The following PODXL variants were observed in gnomAD, a reference collection of about 807,000 sequenced individuals.
PODXL encodes the protein podocalyxin like, also known as podocalyxin.
PODXL carries 20 observed loss-of-function variants against 48.9 expected under a neutral mutation model. That is an observed-to-expected ratio of 0.41 (90% CI 0.29 to 0.59). The LOEUF (loss-of-function observed/expected upper bound fraction) is 0.59. PODXL is among the 20% of genes least tolerant of loss of function. PODXL has a pLI of 0.31. For synonymous variants in PODXL, 295 were observed against 287.4 expected (o/e 1.03, Z -0.27); for missense variants, 606 against 675.1 (o/e 0.90, Z 1.13).
chr7:131,511,855 C>G (rs1797919288), intron 1 of PODXL, among the ~76,000 whole-genome samples: 1 of 152,202 alleles, frequency 6.6e-6, no homozygotes, highest in Non-Finnish European at 1.5e-5. Flanking sequence ...CACGTGGAGG[C>G]TGTCATGCAT....
chr7:131,522,142 G>A (rs550709123), intron 1 of PODXL, among the ~76,000 whole-genome samples: 1 of 152,180 alleles, frequency 6.6e-6, no homozygotes, highest in Non-Finnish European at 1.5e-5. Flanking sequence ...AGGCCAGCAA[G>A]TGTGAAGTAA....
intron 1 of PODXL, among the ~76,000 whole-genome samples, chr7:131,513,463 C>A (rs1167070459): frequency 6.6e-6 from 1 of 152,210 alleles, no homozygotes; most frequent in East Asian, 1.9e-4. Context: ...AGCACCCATA[C>A]CATTTCTCTA....
rs1425606320 is a variant in PODXL, at chr7:131,549,086, C to T, written c.100+7174G>A. On this transcript the variant is annotated intron_variant, in intron 1 of 8. Transcript: ENST00000378555. ...GGGAAGAGACAGACAAACAAACAAACCAATGAACACATATCAGGTGACGAG... is the reference window on the plus strand; with the variant it reads ...GGGAAGAGACAGACAAACAAACAAATCAATGAACACATATCAGGTGACGAG... Among the ~76,000 whole-genome samples, 6 of 152,252 alleles carry T rather than the reference C, an allele frequency of 3.9e-5. No individual in the cohort carries two copies. The East Asian group carries it at 1.2e-3, about 29-fold the overall frequency.
rs1227828110 is a variant in PODXL, at chr7:131,500,963, T to C, written c.*3348A>G. ...GTGAGCTTCAGATTATCTTTTTCTC[T>C]AGAAAAAGATTGGACTAGATCTTGA... is the stretch of plus-strand genomic sequence containing the variant. On this transcript the variant is annotated 3_prime_UTR_variant, in exon 9 of 9. Coordinates refer to ENST00000378555, the MANE Select transcript of PODXL (RefSeq NM_001018111.3). 6.6e-6 allele frequency: 1 copy of C among 152,166 alleles called. No homozygotes were observed. The highest frequency in any genetic ancestry group is 1.9e-4 in the East Asian group (1 of 5,192). The allele number at this position is 152,166 out of a possible 1,614,324, so 9.4% of individuals were successfully genotyped here.
At chr7:131,537,312 T>TTA (rs1554387738) in intron 1 of PODXL, among the ~76,000 whole-genome samples, 84 of 145,038 alleles carry the variant, frequency 5.8e-4, no homozygotes, top group African/African-American at 2.0e-3. Context: ...CCTGTTTTTT[T>TTA]AAAAAAAAAA....
intron 1 of PODXL, among the ~76,000 whole-genome samples, chr7:131,516,884 G>A (rs971583828): frequency 6.6e-6 from 1 of 151,592 alleles, no homozygotes; most frequent in African/African-American, 2.4e-5. Context: ...TGTGCACTAC[G>A]ACACCTGAGA....
At chr7:131,552,586 G>C (rs766691522) in intron 1 of PODXL, among the ~76,000 whole-genome samples, 1 of 152,266 alleles carries the variant, frequency 6.6e-6, no homozygotes, top group Middle Eastern at 3.4e-3. Context: ...GACCCTCCTG[G>C]GCAGGCCACG....
At chr7:131,541,261 G>A (rs900581126) in intron 1 of PODXL, among the ~76,000 whole-genome samples, 10 of 151,546 alleles carry the variant, frequency 6.6e-5, no homozygotes, top group Admixed American at 5.9e-4. Flanking sequence ...AAAAAGCATG[G>A]TTACCTCCCA....
chr7:131,526,669 G>A (rs1562910638), intron 1 of PODXL, among the ~76,000 whole-genome samples: 1 of 150,940 alleles, frequency 6.6e-6, no homozygotes, highest in Non-Finnish European at 1.5e-5. Context: ...AAACACTTTG[G>A]AAAAGAGTGT....
At chr7:131,544,196 G>C (rs184565843) in intron 1 of PODXL, among the ~76,000 whole-genome samples, 17 of 152,278 alleles carry the variant, frequency 1.1e-4, no homozygotes, top group African/African-American at 3.9e-4. Flanking sequence ...CACTGTGCCT[G>C]CCACCAGCCC....
In PODXL at chr7:131,501,908, A is replaced by G. The variant is rs1405075713; in HGVS notation, c.*2403T>C. 6.6e-6 allele frequency: 1 copy of G among 152,210 alleles called. No homozygotes were observed. Among genetic ancestry groups the G allele is most frequent in the Non-Finnish European group, 1.5e-5 (1 of 68,060 alleles). The allele number at this position is 152,210 out of a possible 1,614,324, so 9.4% of individuals were successfully genotyped here. On this transcript the variant is annotated 3_prime_UTR_variant, in exon 9 of 9. Coordinates refer to ENST00000378555, the MANE Select transcript of PODXL (RefSeq NM_001018111.3). ...AGCTGTCCTAAGCCTAGACTAACAC[A>G]GTTTGGACGAATATAAAGCAGTAAC... is the stretch of plus-strand genomic sequence containing the variant.
chr7:131,546,581 C>T (rs964520778), intron 1 of PODXL, among the ~76,000 whole-genome samples: 1 of 151,920 alleles, frequency 6.6e-6, no homozygotes, highest in African/African-American at 2.4e-5. Context: ...CCAAAATCAG[C>T]TGGGCTTGGG....
At chr7:131,509,206 G>GCAGCTA in intron 4 of PODXL, 159 bp downstream of exon 4, 1 of 816,962 alleles carries the variant, frequency 1.2e-6, no homozygotes, top group Non-Finnish European at 2.1e-6. Context: ...CTCAAGCCAG[G>GCAGCTA]ACCAGGCTAA....
chr7:131,510,742 G>T, intron 2 of PODXL, 86 bp downstream of exon 2: 2 of 1,528,652 alleles, frequency 1.3e-6, no homozygotes, highest in Middle Eastern at 1.9e-4. Context: ...AAAGTGCTGG[G>T]ATTACAAGGC....
intron 2 of PODXL, 46 bp downstream of exon 2, chr7:131,510,782 C>T (rs1231830091): frequency 1.2e-6 from 2 of 1,611,892 alleles, no homozygotes; most frequent in Admixed American, 1.7e-5. Context: ...TCACGCCTGG[C>T]CCTGAAAAGT....
intron 3 of PODXL, 26 bp from the exon 4 acceptor site, chr7:131,509,611 G>A (rs1204366915): frequency 7.1e-7 from 1 of 1,415,738 alleles, no homozygotes; most frequent in East Asian, 2.3e-5. Context: ...CGAGGGTAAT[G>A]AGAAAAGATG....
At chr7:131,544,651 TGTACTAC>T (rs1562917768) in intron 1 of PODXL, among the ~76,000 whole-genome samples, 2 of 24,402 alleles carry the variant, frequency 8.2e-5, no homozygotes, top group Non-Finnish European at 6.7e-4. Context: ...ACGCACGCCC[TGTACTAC>T]GCACGCACGC....
At chr7:131,556,101 C>T (rs1047753277) in intron 1 of PODXL, among the ~76,000 whole-genome samples, 159 bp downstream of exon 1, 2 of 152,204 alleles carry the variant, frequency 1.3e-5, no homozygotes, top group Non-Finnish European at 2.9e-5. Context: ...TTGGAGGGGG[C>T]GTGGATGGTG....
chr7:131,500,736 T>C lies in PODXL; in HGVS notation c.*3575A>G, dbSNP rs1797687045. Reference sequence around the variant, plus strand: ...CAGAGAAAGTGTAGAAGACCAGTTCTTATGTTTGTGTTCATGCCCTCCCTA... The same window carrying C: ...CAGAGAAAGTGTAGAAGACCAGTTCCTATGTTTGTGTTCATGCCCTCCCTA... On this transcript the variant is annotated 3_prime_UTR_variant, in exon 9 of 9. Transcript: ENST00000378555. 1 of 152,218 alleles carries C rather than the reference T, an allele frequency of 6.6e-6. No individual in the cohort carries two copies. Among genetic ancestry groups the C allele is most frequent in the Non-Finnish European group, 1.5e-5 (1 of 68,020 alleles). The allele number at this position is 152,218 out of a possible 1,614,324, so 9.4% of individuals were successfully genotyped here.
Sources: allele counts gnomAD v4.1 joint callset (sites outside exome capture counted in the v4.1 genomes callset), GRCh38; gene constraint gnomAD v4.1.1; transcripts MANE v1.5; gene names NCBI Gene and HGNC (gene_info 2026-07-23, HGNC 2026-07-21).